MECOM: variants seen among roughly 807,000 people sequenced by gnomAD.
MECOM encodes histone-lysine N-methyltransferase MECOM.
Under a neutral mutation model 116.3 loss-of-function variants are expected in MECOM, and 13 were observed. That is an observed-to-expected ratio of 0.11 (90% CI 0.07 to 0.18). The LOEUF (loss-of-function observed/expected upper bound fraction) is 0.18, where lower values mean the gene tolerates loss of function less well. Ranked by LOEUF, MECOM falls within the 10% of genes least tolerant of loss-of-function variation. The pLI is 1.00. For synonymous variants in MECOM, 528 were observed against 535.2 expected, an observed-to-expected ratio of 0.99 and a Z score of 0.19; for missense variants, 1,299 against 1,509.0, an observed-to-expected ratio of 0.86 and a Z score of 2.31.
chr3:169,460,308 AT>A (rs138791052), intron 1 of MECOM, among the ~76,000 whole-genome samples: 14 of 151,678 alleles, frequency 9.2e-5, no homozygotes, highest in South Asian at 2.1e-4. Flanking sequence ...ATGTGAGAAT[AT>A]TTTTTTTTCT....
At chr3:169,568,577 C>T (rs764413022) in intron 1 of MECOM, among the ~76,000 whole-genome samples, 7 of 152,170 alleles carry the variant, frequency 4.6e-5, no homozygotes, top group Non-Finnish European at 8.8e-5. Flanking sequence ...GAAGTATTCC[C>T]CTCACAGTGT....
intron 2 of MECOM, among the ~76,000 whole-genome samples, chr3:169,285,539 A>C (rs148386615): frequency 6.6e-6 from 1 of 152,326 alleles, no homozygotes; most frequent in African/African-American, 2.4e-5. Flanking sequence ...CTTCCTTCAT[A>C]TCTGGTATCT....
intron 1 of MECOM, among the ~76,000 whole-genome samples, chr3:169,574,330 A>G (rs1417140830): frequency 6.6e-6 from 1 of 152,164 alleles, no homozygotes; most frequent in Non-Finnish European, 1.5e-5. Flanking sequence ...TTATTTTCAT[A>G]TCTTATTTCC....
intron 1 of MECOM, among the ~76,000 whole-genome samples, chr3:169,576,880 C>A (rs75353378): frequency 0.015 from 2,199 of 148,476 alleles, 48 homozygotes; most frequent in African/African-American, 0.042. Flanking sequence ...ATGCCATTCA[C>A]AAGTTTGGGG....
In MECOM at chr3:169,562,478, G is replaced by T. The variant is rs543516821; in HGVS notation, c.37+100858C>A. 3.3e-5 allele frequency among the ~76,000 whole-genome samples: 5 copies of T among 152,164 alleles called. No individual in the cohort carries two copies. The South Asian group carries it at 1.0e-3, about 32-fold the overall frequency. On this transcript the variant is annotated intron_variant, in intron 1 of 16. Coordinates refer to ENST00000651503, the MANE Select transcript of MECOM (RefSeq NM_004991.4). ...GCAGGGAGACAACCCAAAAAAGATT[G>T]CAGCGTATTATGGTGGAGGGGCTCA... is the stretch of plus-strand genomic sequence containing the variant.
At chr3:169,472,455 GA>G (rs1749434777) in intron 1 of MECOM, among the ~76,000 whole-genome samples, 1 of 133,226 alleles carries the variant, frequency 7.5e-6, no homozygotes, top group South Asian at 2.4e-4. Flanking sequence ...AAAAGGAAAG[GA>G]AGGGAAAGAA....
chr3:169,372,221 C>G (rs1730259096), intron 2 of MECOM, among the ~76,000 whole-genome samples: 1 of 152,012 alleles, frequency 6.6e-6, no homozygotes, highest in South Asian at 2.1e-4. Context: ...ACTGATTAAA[C>G]TAATTTGGAG....
intron 1 of MECOM, among the ~76,000 whole-genome samples, chr3:169,502,193 A>G (rs986148315): frequency 6.6e-6 from 1 of 152,164 alleles, no homozygotes; most frequent in African/African-American, 2.4e-5. Context: ...AACTGGATTC[A>G]AAAACCCATC....
intron 2 of MECOM, among the ~76,000 whole-genome samples, chr3:169,188,062 G>A (rs1184069541): frequency 6.6e-6 from 1 of 151,950 alleles, no homozygotes; most frequent in Non-Finnish European, 1.5e-5. Context: ...GAGAAATGAA[G>A]GGATCTACTT....
chr3:169,352,679 GA>G lies in MECOM; in HGVS notation c.375+28507del, dbSNP rs554398638. On this transcript the variant is annotated intron_variant, in intron 2 of 16. Coordinates refer to ENST00000651503, the MANE Select transcript of MECOM (RefSeq NM_004991.4). Reference sequence around the variant, plus strand: ...ATCATAAACATCATAGTAAAGCTTAGAAGTGACAATCATAATAAACAGTAAA... The same window carrying G: ...ATCATAAACATCATAGTAAAGCTTAGAGTGACAATCATAATAAACAGTAAA... Among the ~76,000 whole-genome samples, 207 of 151,864 alleles carry G rather than the reference GA, an allele frequency of 1.4e-3. 3 individuals are homozygous for G. The highest frequency in any genetic ancestry group is 4.9e-3 in the African/African-American group (203 of 41,478).
intron 1 of MECOM, among the ~76,000 whole-genome samples, chr3:169,512,031 C>G (rs1463707207): frequency 6.6e-6 from 1 of 152,140 alleles, no homozygotes; most frequent in Non-Finnish European, 1.5e-5. Context: ...ATTTATTTAA[C>G]TGCTTGGGCC....
intron 1 of MECOM, among the ~76,000 whole-genome samples, chr3:169,555,745 A>G (rs934218585): frequency 1.3e-5 from 2 of 152,194 alleles, no homozygotes; most frequent in African/African-American, 4.8e-5. Flanking sequence ...ACATCCTTTA[A>G]TATGGCCCTA....
intron 1 of MECOM, among the ~76,000 whole-genome samples, chr3:169,577,519 C>G (rs1764656625): frequency 6.6e-6 from 1 of 150,520 alleles, no homozygotes. Flanking sequence ...AAAAAGTTGG[C>G]TTTTCTATGG....
chr3:169,186,383 AGGGAGGGAGGGAGGGAGGGAGGG>A (rs1243607963), intron 2 of MECOM, among the ~76,000 whole-genome samples: 5,283 of 25,228 alleles, frequency 0.21, 141 homozygotes, highest in East Asian at 0.35. Context: ...GAAGGAAGGG[AGGGAGGGAGGGAGGGAGGGAGGG>A]AGGGAGGGAG....
intron 1 of MECOM, among the ~76,000 whole-genome samples, chr3:169,650,935 G>C (rs1774823580): frequency 6.6e-6 from 1 of 152,076 alleles, no homozygotes; most frequent in African/African-American, 2.4e-5. Context: ...GAATGGTTTA[G>C]ATTGATACAT....
intron 2 of MECOM, among the ~76,000 whole-genome samples, chr3:169,182,858 C>T (rs567972947): frequency 6.6e-6 from 1 of 152,062 alleles, no homozygotes; most frequent in Admixed American, 6.5e-5. Context: ...TACTTGAACA[C>T]CTATCAGTAT....
intron 2 of MECOM, among the ~76,000 whole-genome samples, chr3:169,191,180 C>T (rs908883767): frequency 6.6e-6 from 1 of 151,986 alleles, no homozygotes; most frequent in African/African-American, 2.4e-5. Context: ...ACTTGTCCCC[C>T]TCCTGTCTTT....
At chr3:169,194,669 A>C (rs1380834163) in intron 2 of MECOM, among the ~76,000 whole-genome samples, 1 of 152,006 alleles carries the variant, frequency 6.6e-6, no homozygotes, top group Admixed American at 6.6e-5. Context: ...CACTGCCAAG[A>C]AACTAAATGC....
At chr3:169,154,056 T>C (rs1312519047) in intron 2 of MECOM, among the ~76,000 whole-genome samples, 1 of 152,118 alleles carries the variant, frequency 6.6e-6, no homozygotes, top group Non-Finnish European at 1.5e-5. Context: ...TTAAGAAAAG[T>C]GTTTTTTTTC....
Sources: gnomAD v4.1 joint callset for allele counts (sites outside exome capture counted in the v4.1 genomes callset) on GRCh38, gnomAD v4.1.1 for gene constraint, MANE v1.5 for transcripts, NCBI Gene and HGNC (gene_info 2026-07-23, HGNC 2026-07-21) for gene names.